Variants in CLN6 observed in about 807,000 individuals in gnomAD.
The protein encoded by CLN6 is CLN6 transmembrane ER protein, also known as ceroid-lipofuscinosis neuronal protein 6.
A neutral mutation model predicts 33.3 loss-of-function variants in CLN6; 22 were observed. That is an observed-to-expected ratio of 0.66 (90% CI 0.47 to 0.94). The LOEUF is 0.94. CLN6 is among the 40% of genes least tolerant of loss of function. CLN6 has a pLI of 0.00. For synonymous variants in CLN6, 201 were observed against 174.6 expected, an observed-to-expected ratio of 1.15 and a Z score of -1.19; for missense variants, 387 against 417.1, an observed-to-expected ratio of 0.93 and a Z score of 0.63.
chr15:68,225,828 A>G (rs1464784800), intron 1 of CLN6, among the ~76,000 whole-genome samples: 1 of 150,954 alleles, frequency 6.6e-6, no homozygotes, highest in Non-Finnish European at 1.5e-5. Context: ...CAAAAATTAG[A>G]TGGGCGTGAT....
upstream of CLN6, among the ~76,000 whole-genome samples, chr15:68,230,578 A>C (rs772876131): frequency 1.3e-5 from 2 of 152,206 alleles, no homozygotes; most frequent in African/African-American, 2.4e-5. The surrounding 1 kb of genome is among the most constrained non-coding windows in gnomAD (Gnocchi z 4.0). Flanking sequence ...ACTTTGAACT[A>C]GCTGTGATGC....
rs2093259816 is a variant in CLN6 at position 68,228,982 on chromosome 15, C to G, written c.83+520G>C. On this transcript the variant is annotated intron_variant, in intron 1 of 6. Coordinates refer to ENST00000249806, the MANE Select transcript of CLN6 (RefSeq NM_017882.3). The surrounding 1 kb of genome is among the most constrained non-coding windows in gnomAD (Gnocchi z 4.4). ...GGCAGCTTCCGCCCTTCCCCGCTGTCTCTTCCATTACATTCGCACATTCTT... is the reference window on the plus strand; with the variant it reads ...GGCAGCTTCCGCCCTTCCCCGCTGTGTCTTCCATTACATTCGCACATTCTT... Among the ~76,000 whole-genome samples the G allele has an allele frequency of 6.6e-6, 1 of 152,232 alleles. No homozygotes were observed. The highest frequency in any genetic ancestry group is 6.5e-5 in the Admixed American group (1 of 15,286).
chr15:68,243,823 G>T (rs1339371645), intron 1 of CLN6, among the ~76,000 whole-genome samples: 1 of 151,686 alleles, frequency 6.6e-6, no homozygotes, highest in Admixed American at 6.6e-5. Flanking sequence ...CAGCACTTTG[G>T]GAGGCTGAGG....
intron 2 of CLN6, among the ~76,000 whole-genome samples, chr15:68,217,207 C>T (rs1414261307): frequency 1.3e-5 from 2 of 152,142 alleles, no homozygotes; most frequent in Non-Finnish European, 2.9e-5. Context: ...TGAATTATTA[C>T]TGCTTTCCAA....
At chr15:68,249,527 T>C (rs184598538) in intron 1 of CLN6, among the ~76,000 whole-genome samples, 10 of 152,294 alleles carry the variant, frequency 6.6e-5, no homozygotes, top group Non-Finnish European at 1.5e-4. Context: ...TGTAGCAACA[T>C]AGATAGAACT....
chr15:68,244,683 G>A (rs1003123501), intron 1 of CLN6, among the ~76,000 whole-genome samples: 1 of 152,078 alleles, frequency 6.6e-6, no homozygotes, highest in Non-Finnish European at 1.5e-5. Flanking sequence ...CTCTAATTAA[G>A]ATGTAAAATT....
chr15:68,211,690 G>C lies in CLN6; in HGVS notation c.471C>G (p.Leu157=), dbSNP rs1398797344. ...GTGGCCTCACCAGCGTCTCCGGCTT[G>C]AGATTCTTGATGATGGGGTTCTCAC... ...SVRENPIIKN[L]KPETLIDSFE... Residue 157 remains leucine, a synonymous_variant, in exon 4 of 7, where the codon CTC becomes CTG. Coordinates refer to ENST00000249806, the MANE Select transcript of CLN6 (RefSeq NM_017882.3). The surrounding 1 kb of genome is among the most constrained non-coding windows in gnomAD (Gnocchi z 5.9). 14 of 1,613,606 alleles carry C rather than the reference G, an allele frequency of 8.7e-6. No homozygotes were observed. The highest frequency in any genetic ancestry group is 1.1e-5 in the South Asian group (1 of 91,056).
rs878935765 is a variant in CLN6, at chr15:68,208,935, G to T, written c.666-525C>A. Among the ~76,000 whole-genome samples, 1 of 152,206 alleles carries T rather than the reference G, an allele frequency of 6.6e-6. No homozygotes were observed. Among genetic ancestry groups the T allele is most frequent in the Non-Finnish European group, 1.5e-5 (1 of 68,034 alleles). On this transcript the variant is annotated intron_variant, in intron 6 of 6. Coordinates refer to ENST00000249806, the MANE Select transcript of CLN6 (RefSeq NM_017882.3). This position sits in a 1 kb window ranked among gnomAD's most constrained non-coding sequence, Gnocchi z 5.8. The stretch of plus-strand genomic sequence containing the variant: ...GGGAGAGGATCTAGAGCTGGCCCAG[G>T]AAAGGAGGCCCTTTTCATTTTGAGG...
chr15:68,222,819 A>G (rs1000355709), intron 1 of CLN6, among the ~76,000 whole-genome samples: 1 of 152,178 alleles, frequency 6.6e-6, no homozygotes, highest in African/African-American at 2.4e-5. Flanking sequence ...TTAGTCTATA[A>G]CCTTACCCCC....
rs1389861679 is a variant in CLN6, at chr15:68,247,477, G to T, written c.179+9213C>A. 6.6e-6 allele frequency among the ~76,000 whole-genome samples: 1 copy of T among 152,018 alleles called. No individual in the cohort carries two copies. The highest frequency in any genetic ancestry group is 1.5e-5 in the Non-Finnish European group (1 of 68,026). On this transcript the variant is annotated intron_variant, in intron 1 of 6. Transcript: ENST00000538696. The surrounding 1 kb of genome is among the most constrained non-coding windows in gnomAD (Gnocchi z 4.2). ...TAGGAATAAATTTAACCGAAGAGGA[G>T]AAAGATCTCTTCAAGGAAAACTACA...
In CLN6 at chr15:68,238,505, C is replaced by T. The variant is rs564020112; in HGVS notation, c.179+18185G>A. ...TAAAAGTAGCCAGAGAGAAAAGAAA[C>T]CTTGTTTACAAAGAAACAAAAACTA... On this transcript the variant is annotated intron_variant, in intron 1 of 6. Coordinates refer to the CLN6 transcript ENST00000538696. Among the ~76,000 whole-genome samples the T allele has an allele frequency of 5.9e-5, 9 of 152,122 alleles. No individual in the cohort carries two copies. The East Asian group carries it at 1.7e-3, about 29-fold the overall frequency.
At chr15:68,251,967 C>CTTTTT (rs35907860) in intron 1 of CLN6, among the ~76,000 whole-genome samples, 16 of 71,862 alleles carry the variant, frequency 2.2e-4, no homozygotes, top group Non-Finnish European at 3.1e-4. Context: ...ATGTGTGAAT[C>CTTTTT]TTTTTTTTTT....
chr15:68,251,972 T>C (rs1892384047), intron 1 of CLN6, among the ~76,000 whole-genome samples: 3 of 141,918 alleles, frequency 2.1e-5, no homozygotes, highest in Non-Finnish European at 4.6e-5. Context: ...TGAATCTTTT[T>C]TTTTTTTTTT....
chr15:68,237,406 T>G (rs1031628691), intron 1 of CLN6, among the ~76,000 whole-genome samples: 1 of 152,126 alleles, frequency 6.6e-6, no homozygotes, highest in East Asian at 1.9e-4. Context: ...AGGGATCCCT[T>G]GAGCCCAAAA....
intron 2 of CLN6, among the ~76,000 whole-genome samples, chr15:68,217,181 G>A (rs2093222792): frequency 6.6e-6 from 1 of 152,306 alleles, no homozygotes; most frequent in East Asian, 1.9e-4. Flanking sequence ...TACTAATCTT[G>A]CCAAGTTGTT....
At chr15:68,226,694 T>G (rs971320032) in intron 1 of CLN6, among the ~76,000 whole-genome samples, 4 of 152,124 alleles carry the variant, frequency 2.6e-5, no homozygotes, top group African/African-American at 9.7e-5. Flanking sequence ...CTTGAACTCC[T>G]GACCTCCTGA....
chr15:68,208,104 C>CCCCCCCCCCCCG lies in CLN6; in HGVS notation c.*35_*36insCGGGGGGGGGGG. On this transcript the variant is annotated 3_prime_UTR_variant, in exon 7 of 7. Coordinates refer to ENST00000249806, the MANE Select transcript of CLN6 (RefSeq NM_017882.3). The surrounding 1 kb of genome is among the most constrained non-coding windows in gnomAD (Gnocchi z 5.8). ...CAGATGCCCTCCATGGCCCACCCTCCCACCCAGCAGAGCGCCAGAGCCTGG... is the reference window on the plus strand; with the variant it reads ...CAGATGCCCTCCATGGCCCACCCTCCCCCCCCCCCCCGCACCCAGCAGAGCGCCAGAGCCTGG... 6.4e-7 allele frequency: 1 copy of CCCCCCCCCCCCG among 1,558,934 alleles called. No homozygotes were observed. The highest frequency in any genetic ancestry group is 8.7e-7 in the Non-Finnish European group (1 of 1,144,584).
chr15:68,217,628 C>T (rs1371336896), intron 2 of CLN6, among the ~76,000 whole-genome samples: 3 of 152,104 alleles, frequency 2.0e-5, no homozygotes, highest in Non-Finnish European at 4.4e-5. Context: ...TGCTGAGTGA[C>T]CTTCGAAAAG....
chr15:68,214,554 G>A (rs1054570533), intron 2 of CLN6, 166 bp from the exon 3 acceptor site: 18 of 626,682 alleles, frequency 2.9e-5, no homozygotes, highest in Non-Finnish European at 4.4e-5. Flanking sequence ...CGGCAGCCTT[G>A]GGACAAAGGT....
Sources: allele counts gnomAD v4.1 joint callset (sites outside exome capture counted in the v4.1 genomes callset), GRCh38; gene constraint gnomAD v4.1.1; non-coding constraint Gnocchi (gnomAD v3.1); transcripts MANE v1.5; gene names NCBI Gene and HGNC (gene_info 2026-07-23, HGNC 2026-07-21).